Variants in CSNK2A2IP observed in about 807,000 individuals in gnomAD.
CSNK2A2IP encodes casein kinase 2 subunit alpha' interacting protein.
At chr3:88,349,826 A>T in the CSNK2A2IP span, among the ~76,000 whole-genome samples, 1 of 152,074 alleles carries the variant, frequency 6.6e-6, no homozygotes, top group African/African-American at 2.4e-5. Flanking sequence ...TTTAAATTAT[A>T]GCCATTCTCG....
chr3:88,404,419 A>T, the CSNK2A2IP span, among the ~76,000 whole-genome samples: 2 of 152,184 alleles, frequency 1.3e-5, no homozygotes, highest in African/African-American at 4.8e-5. Flanking sequence ...TACAATATAT[A>T]TGTTACATGT....
At chr3:88,354,820 A>T in the CSNK2A2IP span, among the ~76,000 whole-genome samples, 151 of 152,314 alleles carry the variant, frequency 9.9e-4, no homozygotes, top group African/African-American at 3.5e-3. Flanking sequence ...GTGTGCATAT[A>T]CTATACTAAT....
At chr3:88,383,476 T>A in the CSNK2A2IP span, among the ~76,000 whole-genome samples, 3 of 152,034 alleles carry the variant, frequency 2.0e-5, no homozygotes, top group South Asian at 2.1e-4. Context: ...TGGTGCAGAG[T>A]CAAGTCTTCA....
chr3:88,345,161 C>T, the CSNK2A2IP span, among the ~76,000 whole-genome samples: 1 of 151,988 alleles, frequency 6.6e-6, no homozygotes, highest in Non-Finnish European at 1.5e-5. Flanking sequence ...TCCAAGTTCT[C>T]ACTGCTTAGC....
At chr3:88,358,234 T>C in the CSNK2A2IP span, among the ~76,000 whole-genome samples, 1 of 152,214 alleles carries the variant, frequency 6.6e-6, no homozygotes, top group African/African-American at 2.4e-5. Flanking sequence ...AATAGTTTTT[T>C]GCTGGAGTCC....
the CSNK2A2IP span, among the ~76,000 whole-genome samples, chr3:88,411,369 C>T: frequency 7.7e-6 from 1 of 130,228 alleles, no homozygotes; most frequent in Non-Finnish European, 1.6e-5. Context: ...ATCTATCTAT[C>T]TATCTATCTG....
the CSNK2A2IP span, among the ~76,000 whole-genome samples, chr3:88,384,627 A>G: frequency 1.3e-5 from 2 of 152,198 alleles, no homozygotes; most frequent in Non-Finnish European, 2.9e-5. Context: ...CACTTCATAC[A>G]AGGAAGTGAT....
At chr3:88,349,257 A>T in the CSNK2A2IP span, among the ~76,000 whole-genome samples, 12 of 151,992 alleles carry the variant, frequency 7.9e-5, no homozygotes, top group South Asian at 1.0e-3. Context: ...ACTGTACTCA[A>T]TATGTTGTCT....
At chr3:88,427,550 C>T in the CSNK2A2IP span, among the ~76,000 whole-genome samples, 12 of 152,252 alleles carry the variant, frequency 7.9e-5, no homozygotes, top group Admixed American at 4.6e-4. Context: ...AAAATAGTTT[C>T]GTGGGCCATG....
the CSNK2A2IP span, among the ~76,000 whole-genome samples, chr3:88,420,714 G>A: frequency 6.6e-6 from 1 of 152,206 alleles, no homozygotes; most frequent in African/African-American, 2.4e-5. Flanking sequence ...CTCAGACTAA[G>A]GGTTATGTCT....
At chr3:88,459,835 T>C in the CSNK2A2IP span, among the ~76,000 whole-genome samples, 1 of 152,158 alleles carries the variant, frequency 6.6e-6, no homozygotes, top group African/African-American at 2.4e-5. Context: ...CAAAGTATAG[T>C]GCTTCCTAAT....
the CSNK2A2IP span, among the ~76,000 whole-genome samples, chr3:88,409,091 T>C: frequency 1.3e-5 from 2 of 152,148 alleles, no homozygotes; most frequent in South Asian, 4.1e-4. Context: ...TGATAATTGA[T>C]CCCCTTCGGT....
At chr3:88,395,496 T>C in the CSNK2A2IP span, among the ~76,000 whole-genome samples, 1 of 152,246 alleles carries the variant, frequency 6.6e-6, no homozygotes, top group African/African-American at 2.4e-5. Flanking sequence ...ACATCTAATT[T>C]AGAACTCTCT....
chr3:88,390,131 G>A, the CSNK2A2IP span, among the ~76,000 whole-genome samples: 8 of 152,088 alleles, frequency 5.3e-5, no homozygotes, highest in Non-Finnish European at 1.0e-4. Context: ...GGGGAGGAGG[G>A]TGGTTTGTGT....
At chr3:88,446,410 G>C in the CSNK2A2IP span, among the ~76,000 whole-genome samples, 3 of 152,000 alleles carry the variant, frequency 2.0e-5, no homozygotes, top group African/African-American at 7.2e-5. Flanking sequence ...CTAGTTGACT[G>C]TTTTCCCAGA....
At chr3:88,451,731 C>CTTTT in the CSNK2A2IP span, among the ~76,000 whole-genome samples, 118 of 143,438 alleles carry the variant, frequency 8.2e-4, no homozygotes, top group African/African-American at 3.0e-3. Context: ...ATCTCTCTCT[C>CTTTT]TTTTTTTTTT....
the CSNK2A2IP span, among the ~76,000 whole-genome samples, chr3:88,360,101 A>G: frequency 6.6e-6 from 1 of 151,248 alleles, no homozygotes; most frequent in Non-Finnish European, 1.5e-5. Flanking sequence ...CTTTGCAATG[A>G]CACAATGACT....
the CSNK2A2IP span, chr3:88,467,054 A>G: frequency 7.1e-6 from 7 of 983,384 alleles, no homozygotes; most frequent in Non-Finnish European, 9.2e-6. Context: ...TCTGAACGGG[A>G]TATCCAGGGA....
chr3:88,358,522 G>A, the CSNK2A2IP span, among the ~76,000 whole-genome samples: 64 of 122,110 alleles, frequency 5.2e-4, no homozygotes, highest in African/African-American at 1.6e-3. Flanking sequence ...TGTTTGTTGT[G>A]AGCTGTTTTT....
Sources: gnomAD v4.1 joint callset for allele counts (sites outside exome capture counted in the v4.1 genomes callset) on GRCh38, gnomAD v4.1.1 for gene constraint, MANE v1.5 for transcripts, NCBI Gene and HGNC (gene_info 2026-07-23, HGNC 2026-07-21) for gene names.